Variants in ROBO2 observed in about 807,000 individuals in gnomAD.
ROBO2 encodes the protein roundabout homolog 2.
ROBO2 carries 53 observed loss-of-function variants against 160.8 expected under a neutral mutation model. That is an observed-to-expected ratio of 0.33 (90% CI 0.26 to 0.41). The LOEUF (loss-of-function observed/expected upper bound fraction) is 0.41, where lower values mean the gene tolerates loss of function less well. Ranked by LOEUF, ROBO2 falls within the 10% of genes least tolerant of loss-of-function variation. ROBO2 has a pLI of 1.00. For synonymous variants in ROBO2, 664 were observed against 611.7 expected, an observed-to-expected ratio of 1.09 and a Z score of -1.26; for missense variants, 1,577 against 1,722.4, an observed-to-expected ratio of 0.92 and a Z score of 1.49.
intron 2 of ROBO2, among the ~76,000 whole-genome samples, chr3:76,008,197 T>C (rs529419495): frequency 8.3e-6 from 1 of 119,962 alleles, no homozygotes; most frequent in East Asian, 2.6e-4. Context: ...ATCGCACCAC[T>C]GCACTCCAGA....
At chr3:76,480,195 T>G (rs1042777094) in intron 2 of ROBO2, among the ~76,000 whole-genome samples, 1 of 152,290 alleles carries the variant, frequency 6.6e-6, no homozygotes. Context: ...CCTGAATATC[T>G]AATTAAATGA....
chr3:77,162,911 C>A (rs2078621501), intron 2 of ROBO2, among the ~76,000 whole-genome samples: 1 of 152,048 alleles, frequency 6.6e-6, no homozygotes, highest in Non-Finnish European at 1.5e-5. Context: ...CTTACTGCAA[C>A]CTTGGCCTCC....
intron 2 of ROBO2, chr3:76,435,208 G>T (rs2076615550): frequency 6.9e-7 from 1 of 1,453,270 alleles, no homozygotes; most frequent in East Asian, 2.3e-5. Context: ...CAGGTAATGG[G>T]TAAAGTGCCA....
chr3:76,408,161 G>A (rs546693686), intron 2 of ROBO2, among the ~76,000 whole-genome samples: 7 of 152,162 alleles, frequency 4.6e-5, no homozygotes, highest in African/African-American at 1.7e-4. Flanking sequence ...CTTAGTCAAT[G>A]TTTGCTTGAG....
At chr3:77,290,141 G>C (rs1316744121) in intron 2 of ROBO2, among the ~76,000 whole-genome samples, 3 of 151,540 alleles carry the variant, frequency 2.0e-5, no homozygotes, top group Non-Finnish European at 4.4e-5. Context: ...AAAATTGATG[G>C]TTAAACGGGT....
At chr3:77,546,718 A>G (rs1026050192) in intron 7 of ROBO2, among the ~76,000 whole-genome samples, 3 of 152,104 alleles carry the variant, frequency 2.0e-5, no homozygotes, top group Non-Finnish European at 2.9e-5. Flanking sequence ...ATTATCGTTA[A>G]AAGTCCAACC....
intron 2 of ROBO2, among the ~76,000 whole-genome samples, chr3:76,212,075 T>C (rs143691929): frequency 0.014 from 2,070 of 152,050 alleles, 51 homozygotes; most frequent in African/African-American, 0.048. Context: ...ATAATAAGTA[T>C]ATTTTTGAAA....
intron 2 of ROBO2, among the ~76,000 whole-genome samples, chr3:77,126,874 C>T (rs780542083): frequency 9.4e-5 from 14 of 149,016 alleles, no homozygotes; most frequent in Non-Finnish European, 1.6e-4. Flanking sequence ...CTGCAACCTC[C>T]GCCTCCCGGG....
intron 2 of ROBO2, among the ~76,000 whole-genome samples, chr3:77,428,452 G>C (rs983883965): frequency 4.1e-5 from 6 of 147,402 alleles, no homozygotes; most frequent in African/African-American, 1.5e-4. Flanking sequence ...CACTTCCCGG[G>C]TTCACGCCAT....
rs60806662 is a variant in ROBO2, at chr3:76,787,328, CCACA to C, written c.110-310651_110-310648del. Among the ~76,000 whole-genome samples the C allele has an allele frequency of 8.3e-3, 1,179 of 142,232 alleles. 17 individuals carry two copies. Among genetic ancestry groups the C allele is most frequent in the African/African-American group, 0.023 (903 of 38,566 alleles). The allele number at this position is 142,232 out of a possible 152,430, so 93.3% of individuals were successfully genotyped here. A position where few individuals can be genotyped will look rare whatever the true frequency, so the allele number is the denominator to read the frequency against. On this transcript the variant is annotated intron_variant, in intron 2 of 26. Coordinates refer to the ROBO2 transcript ENST00000487694. ...TTTCCAGTCATTAAATGTAAACACA[CCACA>C]CACACACACACACACACACACACAC...
chr3:77,330,476 C>A (rs1343729276), intron 2 of ROBO2, among the ~76,000 whole-genome samples: 2 of 152,172 alleles, frequency 1.3e-5, no homozygotes, highest in Admixed American at 1.3e-4. Context: ...TAAGATCACA[C>A]CACTGCACTC....
chr3:76,614,694 C>T (rs556469657), intron 2 of ROBO2, among the ~76,000 whole-genome samples: 131 of 152,062 alleles, frequency 8.6e-4, no homozygotes, highest in African/African-American at 2.9e-3. Flanking sequence ...ATAATGCATG[C>T]GCAATAACAG....
At chr3:76,381,160 T>A (rs1319775681) in intron 2 of ROBO2, among the ~76,000 whole-genome samples, 1 of 152,012 alleles carries the variant, frequency 6.6e-6, no homozygotes, top group Non-Finnish European at 1.5e-5. Flanking sequence ...AGTGCTCTCT[T>A]CGGGGGTGTC....
rs2084131511 is a variant in ROBO2, at chr3:77,477,326, G to C, written c.389-88G>C. 6 of 1,358,984 alleles carry C rather than the reference G, an allele frequency of 4.4e-6. No individual in the cohort carries two copies. In the Admixed American group the frequency reaches 1.0e-4, roughly 23 times the overall value. 84.2% of individuals were successfully genotyped at this position (1,358,984 alleles called of 1,614,324 possible). ...ATCCAGGCAATTTTTACTAGAACAA[G>C]GTAAACAAGACTTGAAGTTACCTTG... On this transcript the variant is annotated intron_variant, in intron 2 of 25. Transcript: ENST00000461745.
intron 2 of ROBO2, among the ~76,000 whole-genome samples, chr3:77,468,121 T>G (rs559684104): frequency 1.3e-5 from 2 of 152,300 alleles, no homozygotes; most frequent in South Asian, 4.1e-4. Flanking sequence ...CGATAGCTCT[T>G]TAAGGGAGAA....
intron 2 of ROBO2, among the ~76,000 whole-genome samples, chr3:77,154,863 T>C (rs551346176): frequency 2.6e-5 from 4 of 151,862 alleles, no homozygotes; most frequent in South Asian, 4.2e-4. Flanking sequence ...TGGGGACTTA[T>C]AGATGGGGGA....
At chr3:76,259,694 G>C (rs1284564874) in intron 2 of ROBO2, among the ~76,000 whole-genome samples, 2 of 152,120 alleles carry the variant, frequency 1.3e-5, no homozygotes, top group Admixed American at 1.3e-4. Context: ...GTCCTTATAA[G>C]AAGTGGTGGT....
Position 75,917,459 on chromosome 3 carries a change from C to T in ROBO2, c.-14+10499C>T, listed in dbSNP as rs149765395. 8.8e-3 allele frequency among the ~76,000 whole-genome samples: 1,345 copies of T among 152,230 alleles called. 9 individuals carry two copies. Among genetic ancestry groups the T allele is most frequent in the Non-Finnish European group, 0.012 (838 of 68,014 alleles). ...TCATTGATGGGCATTATGTTGGTTC[C>T]AAGTCTTTGCTATTGTAAATAGTGC... On this transcript the variant is annotated intron_variant, in intron 1 of 26. Transcript: ENST00000487694.
intron 2 of ROBO2, among the ~76,000 whole-genome samples, chr3:76,500,275 T>C (rs535212716): frequency 1.3e-5 from 2 of 152,218 alleles, no homozygotes; most frequent in East Asian, 1.9e-4. Flanking sequence ...AAGGCCACCA[T>C]ACCTGGCTAA....
Sources: allele counts gnomAD v4.1 joint callset (sites outside exome capture counted in the v4.1 genomes callset), GRCh38; gene constraint gnomAD v4.1.1; transcripts MANE v1.5; gene names NCBI Gene and HGNC (gene_info 2026-07-23, HGNC 2026-07-21).